The following RARB variants were observed in gnomAD, a reference collection of about 807,000 sequenced individuals.
RARB encodes the protein HBV-activated protein.
A neutral mutation model predicts 51.9 loss-of-function variants in RARB; 17 were observed. The ratio of observed to expected loss-of-function variants is 0.33; its 90% confidence interval spans 0.22 to 0.49. RARB has a LOEUF of 0.49. Among genes scored for constraint, RARB ranks in the 20% least tolerant of loss-of-function variants. The pLI is 0.99. For synonymous variants in RARB, 215 were observed against 195.4 expected, an observed-to-expected ratio of 1.10 and a Z score of -0.84; for missense variants, 369 against 550.8, an observed-to-expected ratio of 0.67 and a Z score of 3.30.
At chr3:25,030,961 G>A (rs1697861398) in intron 2 of RARB, among the ~76,000 whole-genome samples, 1 of 152,174 alleles carries the variant, frequency 6.6e-6, no homozygotes, top group South Asian at 2.1e-4. Context: ...TACTCTGGAG[G>A]CTGCTGCTCC....
intron 5 of RARB, among the ~76,000 whole-genome samples, chr3:25,339,343 G>A (rs909846907): frequency 6.6e-6 from 1 of 152,174 alleles, no homozygotes; most frequent in African/African-American, 2.4e-5. Context: ...AGTTTGGCCA[G>A]TCAAATGTAG....
At chr3:25,000,439 A>C (rs932413364) in intron 2 of RARB, among the ~76,000 whole-genome samples, 23 of 152,122 alleles carry the variant, frequency 1.5e-4, no homozygotes, top group Non-Finnish European at 2.9e-5. Flanking sequence ...TTACAGAGAG[A>C]AATCCTCTTT....
At position 25,592,573 on chromosome 3, in the gene RARB, A is replaced by C. The variant is rs558184692; in HGVS notation, c.787-930A>C. Among the ~76,000 whole-genome samples the C allele has an allele frequency of 4.6e-5, 7 of 152,312 alleles. No homozygotes were observed. In the East Asian group the frequency reaches 1.4e-3, roughly 29 times the overall value. The stretch of plus-strand genomic sequence containing the variant: ...ACCAGGATTGAGTATCTACAGAAGC[A>C]AGGCATTTTTAGTTTGTTTTGCTCT... On this transcript the variant is annotated intron_variant, in intron 5 of 7. Transcript: ENST00000330688.
intron 5 of RARB, among the ~76,000 whole-genome samples, chr3:25,218,235 G>C (rs1701875496): frequency 6.6e-6 from 1 of 152,116 alleles, no homozygotes; most frequent in Admixed American, 6.6e-5. Context: ...AGCTTCTAGG[G>C]AGGATGGTTT....
intron 1 of RARB, among the ~76,000 whole-genome samples, chr3:24,847,150 AGTCTGAGGGTGGGAACCAGCC>A (rs1449222517): frequency 6.6e-6 from 1 of 152,182 alleles, no homozygotes; most frequent in Non-Finnish European, 1.5e-5. Context: ...CGAATCAGGT[AGTCTGAGGGTGGGAACCAGCC>A]GTCTGTGCTT....
At chr3:24,851,867 G>T (rs559856379) in intron 1 of RARB, among the ~76,000 whole-genome samples, 1 of 152,264 alleles carries the variant, frequency 6.6e-6, no homozygotes, top group African/African-American at 2.4e-5. Flanking sequence ...TTTCTTCAAA[G>T]GAAAATCTAT....
intron 5 of RARB, among the ~76,000 whole-genome samples, chr3:25,404,049 C>T (rs1458195239): frequency 6.6e-6 from 1 of 151,916 alleles, no homozygotes; most frequent in African/African-American, 2.4e-5. Context: ...GGAAGAAGAG[C>T]CTAATCTTGG....
rs1371307418 is a variant in RARB, at chr3:25,106,448, TTTG to T, written c.-327-25710_-327-25708del. Among the ~76,000 whole-genome samples the T allele has an allele frequency of 9.5e-3, 841 of 88,080 alleles. 125 individuals carry two copies. The East Asian group carries it at 0.12, about 12-fold the overall frequency. The allele number at this position is 88,080 out of a possible 152,430, so 57.8% of individuals were successfully genotyped here. On this transcript the variant is annotated intron_variant, in intron 3 of 11. Coordinates refer to the RARB transcript ENST00000383772. ...GTACCACCATGCCCAGCTACTGTTTTTTGTTTTTTGTTTTTTTTTGTTTTGTTT... is the reference window on the plus strand; with the variant it reads ...GTACCACCATGCCCAGCTACTGTTTTTTTTTTGTTTTTTTTTGTTTTGTTT...
intron 3 of RARB, among the ~76,000 whole-genome samples, chr3:25,508,761 C>A (rs935349956): frequency 9.2e-5 from 14 of 152,024 alleles, no homozygotes; most frequent in Non-Finnish European, 1.6e-4. Flanking sequence ...TGAAGAGCCC[C>A]CCAAAAGTAA....
At chr3:25,573,059 A>C (rs535494623) in intron 4 of RARB, among the ~76,000 whole-genome samples, 38 of 151,312 alleles carry the variant, frequency 2.5e-4, no homozygotes, top group African/African-American at 8.2e-4. Context: ...GGAGAGATAA[A>C]CCCCCCCAGC....
chr3:25,450,178 G>A (rs1169118923), intron 1 of RARB, among the ~76,000 whole-genome samples: 1 of 152,154 alleles, frequency 6.6e-6, no homozygotes, highest in Non-Finnish European at 1.5e-5. Flanking sequence ...GATTACTATT[G>A]TTGAAATGTT....
chr3:25,192,846 T>G (rs1049369485), intron 5 of RARB, among the ~76,000 whole-genome samples: 6 of 152,014 alleles, frequency 3.9e-5, no homozygotes, highest in Admixed American at 2.6e-4. Flanking sequence ...TGGCATAGTA[T>G]CTAGTCCCTC....
intron 3 of RARB, among the ~76,000 whole-genome samples, chr3:25,124,720 A>T (rs2125330564): frequency 6.6e-6 from 1 of 152,298 alleles, no homozygotes; most frequent in Admixed American, 6.5e-5. Context: ...ACAAGTTGAG[A>T]TTGAGGTATT....
chr3:25,454,817 C>T (rs1163005149), intron 1 of RARB, among the ~76,000 whole-genome samples: 1 of 152,178 alleles, frequency 6.6e-6, no homozygotes, highest in African/African-American at 2.4e-5. Context: ...GTTTAAATGA[C>T]ACTCAGGTGT....
chr3:25,529,982 T>A (rs564265946), intron 3 of RARB, among the ~76,000 whole-genome samples: 1 of 152,320 alleles, frequency 6.6e-6, no homozygotes, highest in African/African-American at 2.4e-5. Context: ...GCCCTTCATG[T>A]CCTGGCCCCT....
chr3:25,062,051 T>C (rs1698560865), intron 3 of RARB, among the ~76,000 whole-genome samples: 2 of 151,746 alleles, frequency 1.3e-5, no homozygotes, highest in Admixed American at 6.6e-5. Flanking sequence ...GAAACAAGAA[T>C]ATAGAAGTAT....
intron 5 of RARB, among the ~76,000 whole-genome samples, chr3:25,361,686 T>C (rs895210623): frequency 2.0e-5 from 3 of 152,196 alleles, no homozygotes; most frequent in Non-Finnish European, 4.4e-5. Context: ...TTTTTGTTGA[T>C]GTTGGTGCTA....
At chr3:25,589,797 G>A (rs968976944) in intron 5 of RARB, among the ~76,000 whole-genome samples, 4 of 152,246 alleles carry the variant, frequency 2.6e-5, no homozygotes, top group African/African-American at 9.6e-5. Context: ...GCTTTGGTTG[G>A]TGAGACAGCC....
intron 3 of RARB, among the ~76,000 whole-genome samples, chr3:25,085,237 A>G (rs1429413095): frequency 6.6e-6 from 1 of 152,174 alleles, no homozygotes; most frequent in Non-Finnish European, 1.5e-5. Flanking sequence ...AATTTCTTTA[A>G]CAAACATAAC....
Sources: gnomAD v4.1 joint callset for allele counts (sites outside exome capture counted in the v4.1 genomes callset) on GRCh38, gnomAD v4.1.1 for gene constraint, MANE v1.5 for transcripts, NCBI Gene and HGNC (gene_info 2026-07-23, HGNC 2026-07-21) for gene names.